The following AP4E1 variants were observed in gnomAD, a reference collection of about 807,000 sequenced individuals.
The protein encoded by AP4E1 is adaptor related protein complex 4 subunit epsilon 1, also known as AP-4 complex subunit epsilon-1.
Under a neutral mutation model 128.2 loss-of-function variants are expected in AP4E1, and 56 were observed. The observed-to-expected ratio is 0.44, with a 90% CI of 0.35 to 0.55. The LOEUF (loss-of-function observed/expected upper bound fraction) is 0.55, where lower values mean the gene tolerates loss of function less well. Among genes scored for constraint, AP4E1 ranks in the 20% least tolerant of loss-of-function variants. The pLI is 0.00. For missense variants in AP4E1, 1,324 were observed against 1,307.7 expected (o/e 1.01, Z -0.19); for synonymous variants, 484 against 473.1 (o/e 1.02, Z -0.30).
intron 20 of AP4E1, among the ~76,000 whole-genome samples, 199 bp downstream of exon 20, chr15:51,001,382 C>T (rs1019439785): frequency 3.3e-5 from 5 of 152,112 alleles, no homozygotes; most frequent in African/African-American, 9.7e-5. Context: ...ACCATTTTAA[C>T]AATTTTTAAA....
rs980182719 is a variant in AP4E1 at position 50,929,146 on chromosome 15, A to G, written c.680A>G (p.His227Arg). 18 of 1,613,748 alleles carry G rather than the reference A, an allele frequency of 1.1e-5. No individual in the cohort carries two copies. The highest frequency in any genetic ancestry group is 1.4e-5 in the Non-Finnish European group (16 of 1,179,924). Residue 227 changes from histidine (H) to arginine (R), a missense_variant, in exon 6 of 21, where the codon CAT (histidine) becomes CGT (arginine). Coordinates refer to ENST00000261842, the MANE Select transcript of AP4E1 (RefSeq NM_007347.5). ...RDVGVMAASL[H>R]IYLRMIKENS... Reference sequence around the variant, plus strand: ...GTTGGGGTCATGGCTGCCTCCTTGCATATATATCTTAGAATGATTAAGGTA... The same window carrying G: ...GTTGGGGTCATGGCTGCCTCCTTGCGTATATATCTTAGAATGATTAAGGTA...
At position 50,999,165 on chromosome 15, in the gene AP4E1, G is replaced by A. The variant is rs1338630278; in HGVS notation, c.2998G>A (p.Glu1000Lys). Residue 1000 changes from glutamate (E) to lysine (K), a missense_variant, in exon 19 of 21, where the codon GAA becomes AAA. Glu to Lys is a moderately conservative substitution (Grantham distance 56). Coordinates refer to ENST00000261842, the MANE Select transcript of AP4E1 (RefSeq NM_007347.5). Reference protein sequence around the residue: ...YSVQIEKPFTEGNLTGFISYH... With the variant: ...YSVQIEKPFTKGNLTGFISYH... Reference sequence around the variant, plus strand: ...TGTGCAGATAGAAAAACCTTTTACAGAAGGAAATCTTACTGGTTTTATTAG... The same window carrying A: ...TGTGCAGATAGAAAAACCTTTTACAAAAGGAAATCTTACTGGTTTTATTAG... The A allele has an allele frequency of 6.2e-7, 1 of 1,613,790 alleles. No individual in the cohort carries two copies. Among genetic ancestry groups the A allele is most frequent in the African/African-American group, 1.3e-5 (1 of 74,908 alleles).
chr15:50,938,506 AG>A (rs1567222756), intron 8 of AP4E1, among the ~76,000 whole-genome samples: 1 of 152,126 alleles, frequency 6.6e-6, no homozygotes, highest in Non-Finnish European at 1.5e-5. Context: ...CCCAAGAGAC[AG>A]CTGGAATTTC....
At chr15:50,974,964 A>G (rs2064532176) in intron 15 of AP4E1, among the ~76,000 whole-genome samples, 1 of 151,432 alleles carries the variant, frequency 6.6e-6, no homozygotes, top group Non-Finnish European at 1.5e-5. Context: ...CTCCTATTCC[A>G]TAGGTTGCCT....
chr15:50,911,144 T>C (rs2141124581), intron 1 of AP4E1, among the ~76,000 whole-genome samples: 1 of 152,310 alleles, frequency 6.6e-6, no homozygotes, highest in South Asian at 2.1e-4. Flanking sequence ...CTGATGAACA[T>C]GTAATTCAGT....
intron 11 of AP4E1, among the ~76,000 whole-genome samples, chr15:50,948,695 G>T (rs543099412): frequency 6.6e-6 from 1 of 152,114 alleles, no homozygotes; most frequent in Non-Finnish European, 1.5e-5. Flanking sequence ...TGTTTAGGCC[G>T]GGCACAGTGG....
intron 15 of AP4E1, among the ~76,000 whole-genome samples, chr15:50,969,954 C>T (rs116226836): frequency 0.011 from 1,699 of 152,246 alleles, 29 homozygotes; most frequent in African/African-American, 0.039. Flanking sequence ...CCACCATGCC[C>T]GGCCACATTC....
chr15:50,915,728 T>C, intron 3 of AP4E1, 157 bp downstream of exon 3: 1 of 907,128 alleles, frequency 1.1e-6, no homozygotes, highest in East Asian at 2.7e-5. Flanking sequence ...GTCAAAGCCA[T>C]TTATAGGAAA....
At chr15:50,916,505 T>C (rs745790524) in intron 3 of AP4E1, among the ~76,000 whole-genome samples, 3 of 152,210 alleles carry the variant, frequency 2.0e-5, no homozygotes, top group Admixed American at 6.5e-5. Context: ...TATTTTAGAA[T>C]AGTAAAGGTT....
At chr15:50,928,586 A>G in intron 5 of AP4E1, among the ~76,000 whole-genome samples, 1 of 152,202 alleles carries the variant, frequency 6.6e-6, no homozygotes, top group Middle Eastern at 3.4e-3. Context: ...TTTAATATTA[A>G]TAAAAAGATT....
At chr15:50,986,312 C>T (rs1232710785) in intron 16 of AP4E1, among the ~76,000 whole-genome samples, 1 of 152,180 alleles carries the variant, frequency 6.6e-6, no homozygotes, top group Non-Finnish European at 1.5e-5. Flanking sequence ...TTTCTCCTGC[C>T]TGATTGCCCT....
chr15:50,985,806 T>G (rs1355527974), intron 16 of AP4E1, among the ~76,000 whole-genome samples: 2 of 152,190 alleles, frequency 1.3e-5, no homozygotes, highest in South Asian at 2.1e-4. Context: ...TCTTTTTTGA[T>G]TCCATATGAA....
chr15:50,997,678 G>C lies in AP4E1; in HGVS notation c.2699G>C (p.Ser900Thr). 6.2e-7 allele frequency: 1 copy of C among 1,613,998 alleles called. No homozygotes were observed. The highest frequency in any genetic ancestry group is 1.1e-5 in the South Asian group (1 of 91,082). ...ACTGCAGCCTCAGTTGCCAAGGAAAGCTCTTTAGCTTCATCTTTTTTGGAA... is the reference window on the plus strand; with the variant it reads ...ACTGCAGCCTCAGTTGCCAAGGAAACCTCTTTAGCTTCATCTTTTTTGGAA... ...QSTAASVAKE[S>T]SLASSFLEET... The change falls in exon 18 of 21, where the codon AGC (serine) becomes ACC (threonine). Residue 900 changes from serine to threonine, a missense_variant. Coordinates refer to ENST00000261842, the MANE Select transcript of AP4E1 (RefSeq NM_007347.5).
At chr15:50,928,848 G>T (rs937882918) in intron 5 of AP4E1, among the ~76,000 whole-genome samples, 161 bp from the exon 6 acceptor site, 2 of 150,960 alleles carry the variant, frequency 1.3e-5, no homozygotes, top group African/African-American at 4.9e-5. Flanking sequence ...TTATAATTTG[G>T]TATATTAGAA....
intron 10 of AP4E1, 114 bp downstream of exon 10, chr15:50,941,889 AT>A: frequency 2.6e-6 from 2 of 773,374 alleles, no homozygotes; most frequent in Non-Finnish European, 4.3e-6. Flanking sequence ...TCGTGTGTAT[AT>A]TTTAACTTTT....
chr15:50,922,046 C>T (rs948477020), intron 3 of AP4E1, among the ~76,000 whole-genome samples: 4 of 150,568 alleles, frequency 2.7e-5, no homozygotes, highest in African/African-American at 9.8e-5. Flanking sequence ...TTCTGGGGGC[C>T]TGGGTGTGGT....
intron 5 of AP4E1, 130 bp from the exon 6 acceptor site, chr15:50,928,879 G>A (rs2063798259): frequency 2.3e-6 from 2 of 886,546 alleles, no homozygotes; most frequent in East Asian, 2.7e-5. Context: ...AATCACAAAT[G>A]TATAGTTATC....
chr15:50,979,616 C>T (rs1267991248), intron 15 of AP4E1, among the ~76,000 whole-genome samples: 2 of 152,072 alleles, frequency 1.3e-5, no homozygotes, highest in South Asian at 2.1e-4. Flanking sequence ...CCTCCACATC[C>T]CAGGTTCAAG....
chr15:50,982,325 AGAT>A (rs1378329736), intron 15 of AP4E1, among the ~76,000 whole-genome samples: 1 of 152,212 alleles, frequency 6.6e-6, no homozygotes, highest in African/African-American at 2.4e-5. Context: ...TGATTAAGTT[AGAT>A]GATTAAAAAA....
Sources: gnomAD v4.1 joint callset for allele counts (sites outside exome capture counted in the v4.1 genomes callset) on GRCh38, gnomAD v4.1.1 for gene constraint, MANE v1.5 for transcripts, NCBI Gene and HGNC (gene_info 2026-07-23, HGNC 2026-07-21) for gene names.